KL: variants seen among roughly 807,000 people sequenced by gnomAD.
KL encodes klotho.
KL carries 62 observed loss-of-function variants against 84.2 expected under a neutral mutation model. The ratio of observed to expected loss-of-function variants is 0.74; its 90% confidence interval spans 0.60 to 0.91. KL has a LOEUF of 0.91. KL is among the 40% of genes least tolerant of loss of function. KL has a pLI of 0.00. For synonymous variants in KL, 528 were observed against 528.0 expected (o/e 1.00, Z 0.00); for missense variants, 1,261 against 1,305.7 (o/e 0.97, Z 0.53).
At chr13:33,054,904 G>A (rs1392404790) in intron 2 of KL, 143 bp from the exon 3 acceptor site, 22 of 1,079,712 alleles carry the variant, frequency 2.0e-5, no homozygotes, top group South Asian at 6.9e-5. Flanking sequence ...AGAGTCTTTC[G>A]TCAAGAAGAA....
chr13:33,056,521 A>G (rs1296751709), intron 3 of KL, among the ~76,000 whole-genome samples: 1 of 152,014 alleles, frequency 6.6e-6, no homozygotes, highest in African/African-American at 2.4e-5. Context: ...CATTTAAAAG[A>G]TGACTGGCTC....
chr13:33,045,161 A>G (rs926351241), intron 1 of KL, among the ~76,000 whole-genome samples: 2 of 152,328 alleles, frequency 1.3e-5, no homozygotes, highest in South Asian at 2.1e-4. Flanking sequence ...GTTCATTGCT[A>G]TTGTACAGAA....
intron 1 of KL, among the ~76,000 whole-genome samples, chr13:33,045,774 C>G (rs1259854413): frequency 1.3e-5 from 2 of 152,160 alleles, no homozygotes; most frequent in Non-Finnish European, 2.9e-5. Flanking sequence ...CCACCACGCC[C>G]GGCCCATAAA....
At chr13:33,057,870 A>G (rs9596717) in intron 3 of KL, among the ~76,000 whole-genome samples, 10,411 of 152,244 alleles carry the variant, frequency 0.068, 361 homozygotes, top group Non-Finnish European at 0.082. Context: ...ACAGTACTCT[A>G]CAGCTTTAAG....
At chr13:33,020,194 T>G (rs549361480) in intron 1 of KL, among the ~76,000 whole-genome samples, 1 of 152,286 alleles carries the variant, frequency 6.6e-6, no homozygotes, top group East Asian at 1.9e-4. Flanking sequence ...TGTTGAGCAT[T>G]AGCATCAGTG....
chr13:33,037,149 T>C (rs1045045492), intron 1 of KL, among the ~76,000 whole-genome samples: 1 of 152,230 alleles, frequency 6.6e-6, no homozygotes, highest in Non-Finnish European at 1.5e-5. Flanking sequence ...TCAGTTTTTC[T>C]ATCAGTGTTA....
chr13:33,024,705 A>G (rs987360313), intron 1 of KL, among the ~76,000 whole-genome samples: 1 of 151,964 alleles, frequency 6.6e-6, no homozygotes, highest in Non-Finnish European at 1.5e-5. Flanking sequence ...TTGATTTCTC[A>G]TCATGTGGTC....
rs1870352859 is a variant in KL, at chr13:33,016,746, A to C, written c.306A>C (p.Gly102=). The C allele has an allele frequency of 6.2e-7, 1 of 1,611,486 alleles. No homozygotes were observed. Among genetic ancestry groups the C allele is most frequent in the Admixed American group, 1.7e-5 (1 of 59,926 alleles). Reference sequence around the variant, plus strand: ...CCCACCACCCCCTGGCACCCCCGGGAGACTCCCGGAACGCCAGTCTGCCGT... The same window carrying C: ...CCCACCACCCCCTGGCACCCCCGGGCGACTCCCGGAACGCCAGTCTGCCGT... ...TFTHHPLAPP[G]DSRNASLPLG... The change falls in exon 1 of 5, where the codon GGA becomes GGC. Residue 102 remains glycine, a synonymous_variant. Coordinates refer to ENST00000380099, the MANE Select transcript of KL (RefSeq NM_004795.4).
intron 1 of KL, among the ~76,000 whole-genome samples, chr13:33,034,267 C>T (rs1871081091): frequency 6.6e-6 from 1 of 152,220 alleles, no homozygotes; most frequent in Admixed American, 6.5e-5. Flanking sequence ...ACTGAGGCCT[C>T]AGGCAGGCCT....
chr13:33,053,740 A>C, intron 1 of KL, 27 bp from the exon 2 acceptor site: 1 of 1,611,916 alleles, frequency 6.2e-7, no homozygotes, highest in African/African-American at 1.3e-5. Flanking sequence ...ACTAGAGATA[A>C]ATTTGCCATG....
intron 1 of KL, 40 bp from the exon 2 acceptor site, chr13:33,053,725 TCA>T (rs764837214): frequency 3.8e-6 from 6 of 1,598,350 alleles, no homozygotes; most frequent in Non-Finnish European, 5.1e-6. Context: ...GCATTTCTCC[TCA>T]CAACTAGAGA....
At chr13:33,023,515 A>T (rs1176192732) in intron 1 of KL, among the ~76,000 whole-genome samples, 1 of 152,226 alleles carries the variant, frequency 6.6e-6, no homozygotes, top group Non-Finnish European at 1.5e-5. Context: ...ACCAAAAACT[A>T]TCAAATCATT....
rs1872388888 is a variant in KL, at chr13:33,065,728, ATT to A, written c.*1546_*1547del. 1 of 175,796 alleles carries A rather than the reference ATT, an allele frequency of 5.7e-6. No homozygotes were observed. The highest frequency in any genetic ancestry group is 2.4e-5 in the African/African-American group (1 of 42,220). The allele number at this position is 175,796 out of a possible 1,614,324, so 10.9% of individuals were successfully genotyped here. A position where few individuals can be genotyped will look rare whatever the true frequency, so the allele number is the denominator to read the frequency against. On this transcript the variant is annotated 3_prime_UTR_variant, in exon 5 of 5. Coordinates refer to ENST00000380099, the MANE Select transcript of KL (RefSeq NM_004795.4). ...AGAGTAATATATGTTCATTGTAAAA[ATT>A]TTTAAAACACAGAAACTATATGCAA...
At chr13:33,020,150 AG>A (rs1870522749) in intron 1 of KL, among the ~76,000 whole-genome samples, 1 of 152,192 alleles carries the variant, frequency 6.6e-6, no homozygotes, top group African/African-American at 2.4e-5. Flanking sequence ...CTTTCACGTA[AG>A]GAAGTAGGGC....
chr13:33,019,628 A>G (rs2138187466), intron 1 of KL, among the ~76,000 whole-genome samples: 1 of 152,084 alleles, frequency 6.6e-6, no homozygotes, highest in Admixed American at 6.5e-5. Context: ...CAGCAGGACA[A>G]ATAATGGAGG....
intron 1 of KL, among the ~76,000 whole-genome samples, chr13:33,032,274 C>T (rs900462710): frequency 3.3e-5 from 5 of 152,204 alleles, no homozygotes; most frequent in Non-Finnish European, 7.3e-5. Context: ...ACTATTTCTG[C>T]GTAATTCCCC....
intron 1 of KL, among the ~76,000 whole-genome samples, 160 bp from the exon 2 acceptor site, chr13:33,053,607 A>G (rs1871832567): frequency 6.6e-6 from 1 of 152,190 alleles, no homozygotes; most frequent in Non-Finnish European, 1.5e-5. Context: ...GGGGTGACCT[A>G]CCTTTGAAAT....
chr13:33,032,717 C>A (rs1405862194), intron 1 of KL, among the ~76,000 whole-genome samples: 1 of 152,142 alleles, frequency 6.6e-6, no homozygotes, highest in East Asian at 1.9e-4. Flanking sequence ...CAGGTTATAT[C>A]GTAAAAGATC....
At chr13:33,022,366 T>C (rs59460449) in intron 1 of KL, among the ~76,000 whole-genome samples, 20,423 of 152,244 alleles carry the variant, frequency 0.13, 1,512 homozygotes, top group East Asian at 0.29. Context: ...TTTCTTTCAA[T>C]GAATGTTGTC....
Sources: allele counts gnomAD v4.1 joint callset (sites outside exome capture counted in the v4.1 genomes callset), GRCh38; gene constraint gnomAD v4.1.1; transcripts MANE v1.5; gene names NCBI Gene and HGNC (gene_info 2026-07-23, HGNC 2026-07-21).